Variants in KCNIP4 observed in about 807,000 individuals in gnomAD.
KCNIP4 encodes the protein Kv channel-interacting protein 4.
Under a neutral mutation model 34.0 loss-of-function variants are expected in KCNIP4, and 12 were observed. That is an observed-to-expected ratio of 0.35 (90% CI 0.23 to 0.57). The LOEUF is 0.57. Among genes scored for constraint, KCNIP4 ranks in the 20% least tolerant of loss-of-function variants. The pLI, the probability that KCNIP4 is intolerant of heterozygous loss-of-function variation, is 0.83. For missense variants in KCNIP4, 238 were observed against 311.7 expected, an observed-to-expected ratio of 0.76 and a Z score of 1.78; for synonymous variants, 124 against 102.2, an observed-to-expected ratio of 1.21 and a Z score of -1.29.
intron 1 of KCNIP4, among the ~76,000 whole-genome samples, chr4:21,305,824 T>C (rs1460722482): frequency 6.6e-6 from 1 of 152,222 alleles, no homozygotes; most frequent in Non-Finnish European, 1.5e-5. Flanking sequence ...GTCAAGCTCT[T>C]AAAACTCTTT....
chr4:21,038,165 A>C (rs1741623459), intron 1 of KCNIP4, among the ~76,000 whole-genome samples: 1 of 151,948 alleles, frequency 6.6e-6, no homozygotes, highest in Non-Finnish European at 1.5e-5. Context: ...TTTAGTAGAG[A>C]AGGGTTTTCA....
chr4:21,246,679 C>T (rs1016573043), intron 1 of KCNIP4, among the ~76,000 whole-genome samples: 11 of 152,060 alleles, frequency 7.2e-5, no homozygotes, highest in African/African-American at 2.7e-4. Context: ...GCAATGCTTC[C>T]ATTGTCACAA....
At chr4:21,060,017 T>C (rs533115595) in intron 1 of KCNIP4, among the ~76,000 whole-genome samples, 1 of 152,284 alleles carries the variant, frequency 6.6e-6, no homozygotes, top group South Asian at 2.1e-4. Flanking sequence ...TTCTGTCTTA[T>C]GGGAACAACC....
intron 1 of KCNIP4, among the ~76,000 whole-genome samples, chr4:21,262,727 A>T (rs1761551525): frequency 6.6e-6 from 1 of 152,236 alleles, no homozygotes; most frequent in African/African-American, 2.4e-5. Context: ...GCTTCTGCAA[A>T]AGCACGCTAA....
chr4:21,913,287 C>A (rs1728442938), intron 1 of KCNIP4, among the ~76,000 whole-genome samples: 1 of 151,792 alleles, frequency 6.6e-6, no homozygotes, highest in South Asian at 2.1e-4. Flanking sequence ...CTGCAGTGAG[C>A]TATGATGCTA....
At chr4:21,707,550 G>T (rs1447161261) in intron 1 of KCNIP4, among the ~76,000 whole-genome samples, 2 of 152,144 alleles carry the variant, frequency 1.3e-5, no homozygotes, top group African/African-American at 4.8e-5. Flanking sequence ...TAGAGGTAAG[G>T]CTCCATTGAT....
chr4:21,440,258 T>C (rs1344626479), intron 1 of KCNIP4, among the ~76,000 whole-genome samples: 1 of 152,256 alleles, frequency 6.6e-6, no homozygotes, highest in Non-Finnish European at 1.5e-5. Context: ...AGTGAGTATA[T>C]TGGTGAGTAG....
chr4:21,365,521 A>G, intron 1 of KCNIP4, among the ~76,000 whole-genome samples: 1 of 64,024 alleles, frequency 1.6e-5, no homozygotes, highest in East Asian at 4.8e-4. Context: ...AAATAAATAA[A>G]TAAAAAATAA....
At chr4:21,828,824 C>A (rs1328826848) in intron 1 of KCNIP4, among the ~76,000 whole-genome samples, 1 of 151,836 alleles carries the variant, frequency 6.6e-6, no homozygotes, top group Non-Finnish European at 1.5e-5. Context: ...GGAGAGTTTA[C>A]CACGAACACA....
intron 1 of KCNIP4, among the ~76,000 whole-genome samples, chr4:21,502,194 A>G (rs546694305): frequency 1.3e-5 from 2 of 152,092 alleles, no homozygotes; most frequent in Non-Finnish European, 2.9e-5. Context: ...TCCCTTTACT[A>G]TCAAAAAGAA....
intron 2 of KCNIP4, among the ~76,000 whole-genome samples, chr4:20,864,317 C>G (rs569605042): frequency 6.7e-6 from 1 of 150,112 alleles, no homozygotes; most frequent in Non-Finnish European, 1.5e-5. Flanking sequence ...TATATACATA[C>G]GTTTATATGC....
Position 20,729,661 on chromosome 4 carries a change from T to TTCTGGAAATTAAATGCAG in KCNIP4, c.*403_*420dup, listed in dbSNP as rs1193624266. The TTCTGGAAATTAAATGCAG allele has an allele frequency of 6.5e-6, 1 of 153,266 alleles. No homozygotes were observed. 9.5% of individuals were successfully genotyped at this position (153,266 alleles called of 1,614,324 possible). On this transcript the variant is annotated 3_prime_UTR_variant, in exon 9 of 9. Coordinates refer to ENST00000382152, the MANE Select transcript of KCNIP4 (RefSeq NM_025221.6). ...ATTCAAACATGAAAATTAATTTAAT[T>TTCTGGAAATTAAATGCAG]TCTGGAAATTAAATGCAGATGTCAC...
chr4:21,139,466 A>G (rs146597877), intron 1 of KCNIP4, among the ~76,000 whole-genome samples: 291 of 152,354 alleles, frequency 1.9e-3, no homozygotes, highest in African/African-American at 6.0e-3. Context: ...TGCCCCTTCA[A>G]TGATGGACTT....
chr4:21,769,409 GATTTC>G (rs1718631827), intron 1 of KCNIP4, among the ~76,000 whole-genome samples: 2 of 152,068 alleles, frequency 1.3e-5, no homozygotes, highest in South Asian at 4.2e-4. Flanking sequence ...TATATTATTT[GATTTC>G]ATTTGTGGTA....
chr4:21,538,877 G>T (rs544772640), intron 1 of KCNIP4, among the ~76,000 whole-genome samples: 1 of 152,284 alleles, frequency 6.6e-6, no homozygotes, highest in Non-Finnish European at 1.5e-5. Flanking sequence ...ATGTGGTTTG[G>T]CTCTGTGTCC....
intron 1 of KCNIP4, among the ~76,000 whole-genome samples, chr4:21,896,212 T>C (rs983466823): frequency 6.6e-6 from 1 of 152,204 alleles, no homozygotes; most frequent in Non-Finnish European, 1.5e-5. Flanking sequence ...ATAAAAATTA[T>C]GCAGATACAG....
intron 1 of KCNIP4, among the ~76,000 whole-genome samples, chr4:21,612,469 C>A (rs1299434205): frequency 6.6e-6 from 1 of 152,172 alleles, no homozygotes; most frequent in Non-Finnish European, 1.5e-5. Flanking sequence ...CTGACTGGGG[C>A]TGAACCCTCA....
At chr4:21,389,991 C>CTCA (rs1396593410) in intron 1 of KCNIP4, among the ~76,000 whole-genome samples, 2 of 134,308 alleles carry the variant, frequency 1.5e-5, no homozygotes, top group Non-Finnish European at 3.3e-5. Context: ...AATGATTGCC[C>CTCA]TTCTAACTAC....
chr4:21,894,620 G>C (rs1341242638), intron 1 of KCNIP4, among the ~76,000 whole-genome samples: 3 of 152,084 alleles, frequency 2.0e-5, no homozygotes, highest in African/African-American at 7.2e-5. Context: ...GAGAATTATA[G>C]AATATTCAAC....
Sources: allele counts gnomAD v4.1 joint callset (sites outside exome capture counted in the v4.1 genomes callset), GRCh38; gene constraint gnomAD v4.1.1; transcripts MANE v1.5; gene names NCBI Gene and HGNC (gene_info 2026-07-23, HGNC 2026-07-21).